ALG1L2: variants seen among roughly 807,000 people sequenced by gnomAD.
ALG1L2 encodes the protein ALG1 chitobiosyldiphosphodolichol beta-mannosyltransferase like 2.
ALG1L2 carries 32 observed loss-of-function variants against 29.0 expected under a neutral mutation model. That is an observed-to-expected ratio of 1.10 (90% confidence interval 0.83 to 1.48). The LOEUF is 1.48. Among genes scored for constraint, ALG1L2 ranks in the 40% most tolerant of loss-of-function variants. The pLI is 0.00. For missense variants in ALG1L2, 318 were observed against 274.1 expected (o/e 1.16, Z -1.13); for synonymous variants, 110 against 109.5 (o/e 1.00, Z -0.03).
intron 1 of ALG1L2, among the ~76,000 whole-genome samples, chr3:130,090,073 G>C (rs576596178): frequency 2.2e-4 from 33 of 152,188 alleles, no homozygotes; most frequent in Admixed American, 7.2e-4. Context: ...ATAAAACTGA[G>C]GGCCTGGCAC....
intron 4 of ALG1L2, 35 bp from the exon 5 acceptor site, chr3:130,094,368 C>T (rs540456270): frequency 4.4e-6 from 7 of 1,582,782 alleles, no homozygotes; most frequent in East Asian, 2.2e-5. Context: ...GGGACAGAGA[C>T]GGGTTCATGG....
chr3:130,096,553 C>T (rs1416228447), intron 6 of ALG1L2, among the ~76,000 whole-genome samples: 1 of 152,154 alleles, frequency 6.6e-6, no homozygotes, highest in African/African-American at 2.4e-5. Context: ...GTTTCTTTCT[C>T]TCCCACCATG....
intron 1 of ALG1L2, 101 bp from the exon 2 acceptor site, chr3:130,091,160 A>G: frequency 9.3e-7 from 1 of 1,079,978 alleles, no homozygotes; most frequent in Non-Finnish European, 1.4e-6. Context: ...TGTTTTGCTG[A>G]GGATGGGTGA....
chr3:130,088,315 T>A lies in ALG1L2; in HGVS notation c.21-2946T>A, dbSNP rs866080253. ...AAATCTCTAATTGTAGTTCCCATAA[T>A]CACCACATGCTGTGGGAGGGACCTA... On this transcript the variant is annotated intron_variant, in intron 1 of 7. Coordinates refer to ENST00000425059, the MANE Select transcript of ALG1L2 (RefSeq NM_001136152.1). Among the ~76,000 whole-genome samples the A allele has an allele frequency of 1.2e-4, 19 of 152,424 alleles. No individual in the cohort carries two copies. The Middle Eastern group carries it at 0.01, about 82-fold the overall frequency.
chr3:130,082,404 C>G (rs1934807324), intron 1 of ALG1L2, among the ~76,000 whole-genome samples: 1 of 125,404 alleles, frequency 8.0e-6, no homozygotes, highest in South Asian at 2.5e-4. Context: ...CTGGCACCAT[C>G]TCGGCTTACT....
intron 5 of ALG1L2, among the ~76,000 whole-genome samples, chr3:130,095,153 G>C (rs1047789303): frequency 4.6e-5 from 7 of 152,164 alleles, no homozygotes; most frequent in African/African-American, 1.2e-4. Flanking sequence ...TCAGCCTCCC[G>C]AGTAGATTAC....
chr3:130,098,069 A>G (rs1935182958), intron 7 of ALG1L2, among the ~76,000 whole-genome samples, 154 bp from the exon 8 acceptor site: 6 of 151,818 alleles, frequency 4.0e-5, no homozygotes, highest in Admixed American at 3.9e-4. Context: ...GTCAAGATGG[A>G]GGCGGAGCGC....
chr3:130,089,026 T>C (rs1934952844), intron 1 of ALG1L2, among the ~76,000 whole-genome samples: 1 of 152,250 alleles, frequency 6.6e-6, no homozygotes, highest in Admixed American at 6.5e-5. Flanking sequence ...TTTGGATGAG[T>C]AGGGCTAGCC....
chr3:130,088,564 T>C (rs1372371787), intron 1 of ALG1L2, among the ~76,000 whole-genome samples: 3 of 152,290 alleles, frequency 2.0e-5, no homozygotes, highest in East Asian at 3.8e-4. Context: ...ACAACAGGCA[T>C]GAGCCATTAC....
At position 130,094,581 on chromosome 3, in the gene ALG1L2, G is replaced by T. The variant is rs546823235; in HGVS notation, c.424+68G>T. 7.0e-5 allele frequency: 101 copies of T among 1,453,030 alleles called. No homozygotes were observed. In the South Asian group the frequency reaches 1.1e-3, roughly 16 times the overall value. 90.0% of individuals were successfully genotyped at this position (1,453,030 alleles called of 1,614,324 possible). A position where few individuals can be genotyped will look rare whatever the true frequency, so the allele number is the denominator to read the frequency against. On this transcript the variant is annotated intron_variant, in intron 5 of 7. Transcript: ENST00000425059. ...TGCAGGGGGAACAGGGGTGGGCGGGGTGTACCTTTTCTGAAAAGGTGGCTC... is the reference window on the plus strand; with the variant it reads ...TGCAGGGGGAACAGGGGTGGGCGGGTTGTACCTTTTCTGAAAAGGTGGCTC...
intron 2 of ALG1L2, 98 bp from the exon 3 acceptor site, chr3:130,092,003 C>T (rs979579295): frequency 2.7e-5 from 42 of 1,564,218 alleles, no homozygotes; most frequent in Non-Finnish European, 3.2e-5. Flanking sequence ...GCACCCCAAC[C>T]GTTGGGAGCC....
At chr3:130,097,448 A>G (rs892997327) in intron 7 of ALG1L2, among the ~76,000 whole-genome samples, 198 bp downstream of exon 7, 2 of 152,132 alleles carry the variant, frequency 1.3e-5, no homozygotes, top group Non-Finnish European at 2.9e-5. Context: ...TAAAGTTAGG[A>G]CACAACCCCA....
chr3:130,096,227 A>G lies in ALG1L2; in HGVS notation c.539+64A>G, dbSNP rs949316874. The G allele has an allele frequency of 3.8e-6, 6 of 1,568,416 alleles. No homozygotes were observed. In the African/African-American group the frequency reaches 6.8e-5, roughly 18 times the overall value. On this transcript the variant is annotated intron_variant, in intron 6 of 7. Coordinates refer to ENST00000425059, the MANE Select transcript of ALG1L2 (RefSeq NM_001136152.1). The stretch of plus-strand genomic sequence containing the variant: ...ACAGATCCACCGCTGAGGGGGAAGC[A>G]GTGCAGAGTGAGCTGCCCACAGTGA...
At chr3:130,092,386 A>G (rs952716193) in intron 3 of ALG1L2, among the ~76,000 whole-genome samples, 164 bp downstream of exon 3, 1 of 151,634 alleles carries the variant, frequency 6.6e-6, no homozygotes, top group African/African-American at 2.4e-5. Context: ...CAGGCCCCTG[A>G]CATTCAATTC....
intron 3 of ALG1L2, 90 bp downstream of exon 3, chr3:130,092,312 C>G: frequency 3.1e-6 from 5 of 1,589,422 alleles, no homozygotes; most frequent in Non-Finnish European, 4.3e-6. Flanking sequence ...CTGCATGCCC[C>G]AACCCCACCA....
At chr3:130,086,274 A>G (rs1479242453) in intron 1 of ALG1L2, among the ~76,000 whole-genome samples, 1 of 151,012 alleles carries the variant, frequency 6.6e-6, no homozygotes, top group African/African-American at 2.4e-5. Context: ...TTCTGGAGAT[A>G]AGCAATAGAT....
chr3:130,094,577 C>CATTTTGCGGGGGTAACTGGGGGGGGG, intron 5 of ALG1L2, 64 bp downstream of exon 5: 1 of 286,992 alleles, frequency 3.5e-6, no homozygotes, highest in Non-Finnish European at 6.5e-6. Context: ...CAGGGGTGGG[C>CATTTTGCGGGGGTAACTGGGGGGGGG]GGGGTGTACC....
At chr3:130,087,823 G>A (rs1275486974) in intron 1 of ALG1L2, among the ~76,000 whole-genome samples, 1 of 97,402 alleles carries the variant, frequency 1.0e-5, no homozygotes, top group Non-Finnish European at 2.6e-5. Context: ...CAATGCAATA[G>A]GATCATCTCA....
chr3:130,095,508 T>C (rs1314741528), intron 5 of ALG1L2, among the ~76,000 whole-genome samples: 1 of 151,870 alleles, frequency 6.6e-6, no homozygotes, highest in Non-Finnish European at 1.5e-5. Context: ...CGATCTTGGC[T>C]CACTGCAACC....
Sources: allele counts gnomAD v4.1 joint callset (sites outside exome capture counted in the v4.1 genomes callset), GRCh38; gene constraint gnomAD v4.1.1; transcripts MANE v1.5; gene names NCBI Gene and HGNC (gene_info 2026-07-23, HGNC 2026-07-21).